C8orf89: variants seen among roughly 807,000 people sequenced by gnomAD.
C8orf89 encodes putative uncharacterized protein C8orf89.
In C8orf89, 14 loss-of-function variants were observed where a neutral mutation model predicts 15.8. The observed-to-expected ratio is 0.89, with a 90% CI of 0.59 to 1.39. C8orf89 has a LOEUF of 1.39. C8orf89 is among the 40% of genes most tolerant of loss of function. C8orf89 has a pLI of 0.00. For missense variants in C8orf89, 181 were observed against 184.5 expected, an observed-to-expected ratio of 0.98 and a Z score of 0.11; for synonymous variants, 55 against 62.2, an observed-to-expected ratio of 0.88 and a Z score of 0.54.
chr8:73,257,531 T>G (rs1396848257), intron 1 of C8orf89, among the ~76,000 whole-genome samples: 1 of 152,200 alleles, frequency 6.6e-6, no homozygotes, highest in Non-Finnish European at 1.5e-5. Flanking sequence ...ATAAGAGGTG[T>G]AAACAGATGA....
chr8:73,262,436 A>C (rs958030188), upstream of C8orf89, among the ~76,000 whole-genome samples: 1 of 152,190 alleles, frequency 6.6e-6, no homozygotes, highest in African/African-American at 2.4e-5. Flanking sequence ...GTAAAAGTTC[A>C]CATGATAAAT....
At chr8:73,261,763 T>C (rs974640789), upstream of C8orf89, among the ~76,000 whole-genome samples, 1 of 152,050 alleles carries the variant, frequency 6.6e-6, no homozygotes, top group African/African-American at 2.4e-5. Flanking sequence ...GGAAACGTAG[T>C]CAGGGACAGC....
chr8:73,258,628 A>ATTTTT (rs10691611), intron 1 of C8orf89, among the ~76,000 whole-genome samples: 20 of 137,308 alleles, frequency 1.5e-4, no homozygotes, highest in Admixed American at 1.1e-3. Flanking sequence ...TTTGGTTAGA[A>ATTTTT]TTTTTTTTTT....
chr8:73,268,303 C>A, the C8orf89 span, among the ~76,000 whole-genome samples: 1 of 151,958 alleles, frequency 6.6e-6, no homozygotes, highest in Non-Finnish European at 1.5e-5. Context: ...CATGGTGAGA[C>A]CCTGTCTCTA....
intron 3 of C8orf89, among the ~76,000 whole-genome samples, chr8:73,244,794 A>G (rs1392815221): frequency 1.3e-5 from 2 of 152,234 alleles, no homozygotes; most frequent in Non-Finnish European, 2.9e-5. Flanking sequence ...GATTCCAGGC[A>G]TTAGGCAAAC....
chr8:73,244,227 A>C (rs1488735466), intron 3 of C8orf89, among the ~76,000 whole-genome samples: 1 of 151,818 alleles, frequency 6.6e-6, no homozygotes, highest in Non-Finnish European at 1.5e-5. Flanking sequence ...AACAGATAGC[A>C]TTTGTTGAAT....
the C8orf89 span, among the ~76,000 whole-genome samples, chr8:73,282,772 T>C: frequency 6.6e-6 from 1 of 152,230 alleles, no homozygotes; most frequent in Non-Finnish European, 1.5e-5. Flanking sequence ...CCAGAGTATT[T>C]AGAGTGGTCA....
chr8:73,254,028 C>A (rs1371501074), intron 2 of C8orf89, among the ~76,000 whole-genome samples: 1 of 152,256 alleles, frequency 6.6e-6, no homozygotes, highest in South Asian at 2.1e-4. Flanking sequence ...AAAGGGAATG[C>A]TTCCAGTTTT....
chr8:73,285,883 C>G, the C8orf89 span, among the ~76,000 whole-genome samples: 1 of 152,192 alleles, frequency 6.6e-6, no homozygotes, highest in Non-Finnish European at 1.5e-5. Context: ...AGCCAGCAGC[C>G]CTGCGACGCT....
the C8orf89 span, among the ~76,000 whole-genome samples, chr8:73,285,269 T>C: frequency 1.3e-5 from 2 of 151,970 alleles, no homozygotes; most frequent in Non-Finnish European, 2.9e-5. Flanking sequence ...ACTTAACGGA[T>C]AGATGTAAGT....
upstream of C8orf89, among the ~76,000 whole-genome samples, chr8:73,261,334 T>C (rs903003026): frequency 2.7e-4 from 41 of 151,896 alleles, no homozygotes; most frequent in African/African-American, 9.9e-4. Flanking sequence ...ACAGCCGCAG[T>C]GTATGTGCTG....
intron 1 of C8orf89, 65 bp from the exon 2 acceptor site, chr8:73,257,191 AAC>A (rs1163502481): frequency 2.0e-6 from 2 of 994,348 alleles, no homozygotes; most frequent in Admixed American, 3.0e-5. Context: ...TGCATCCTAA[AAC>A]ACATAATAAA....
At chr8:73,279,641 T>C in the C8orf89 span, among the ~76,000 whole-genome samples, 1 of 152,202 alleles carries the variant, frequency 6.6e-6, no homozygotes, top group Admixed American at 6.5e-5. Flanking sequence ...ACTGTGATGT[T>C]CCTCCTCTCC....
At chr8:73,242,505 A>C (rs764258096) in intron 3 of C8orf89, among the ~76,000 whole-genome samples, 3 of 152,156 alleles carry the variant, frequency 2.0e-5, no homozygotes, top group Non-Finnish European at 4.4e-5. Flanking sequence ...AAAAGACCTG[A>C]ATAGACATTT....
chr8:73,285,891 G>C, the C8orf89 span, among the ~76,000 whole-genome samples: 1 of 152,090 alleles, frequency 6.6e-6, no homozygotes, highest in Non-Finnish European at 1.5e-5. Context: ...GCCCTGCGAC[G>C]CTGGGCCCGG....
At chr8:73,281,044 G>A in the C8orf89 span, among the ~76,000 whole-genome samples, 6 of 151,950 alleles carry the variant, frequency 3.9e-5, no homozygotes, top group African/African-American at 1.2e-4. Context: ...TATTTCCAGC[G>A]AATAATCTAG....
rs964611773 is a variant in C8orf89 at position 73,253,806 on chromosome 8, T to C, written c.281+3167A>G. Among the ~76,000 whole-genome samples, 431 of 149,718 alleles carry C rather than the reference T, an allele frequency of 2.9e-3. 34 individuals carry two copies. Among genetic ancestry groups the C allele is most frequent in the African/African-American group, 0.011 (420 of 39,388 alleles). ...TTGTATCCTGAGACTTTGCTGAAGT[T>C]GCTTATCAGCTTAAGGAGATTTTGG... On this transcript the variant is annotated intron_variant, in intron 2 of 3. Transcript: ENST00000624510.
chr8:73,259,693 T>G (rs1411533625), upstream of C8orf89, among the ~76,000 whole-genome samples: 1 of 152,180 alleles, frequency 6.6e-6, no homozygotes, highest in Non-Finnish European at 1.5e-5. Context: ...AATGGAATAC[T>G]TGGATTCTCT....
At chr8:73,247,528 A>G (rs1277976968) in intron 3 of C8orf89, among the ~76,000 whole-genome samples, 1 of 152,236 alleles carries the variant, frequency 6.6e-6, no homozygotes, top group East Asian at 1.9e-4. Context: ...ACTGTTTCCT[A>G]CAATGATTGA....
Sources: gnomAD v4.1 joint callset for allele counts (sites outside exome capture counted in the v4.1 genomes callset) on GRCh38, gnomAD v4.1.1 for gene constraint, MANE v1.5 for transcripts, NCBI Gene and HGNC (gene_info 2026-07-23, HGNC 2026-07-21) for gene names.